SNF8: variants seen among roughly 807,000 people sequenced by gnomAD.
The protein encoded by SNF8 is SNF8 subunit of ESCRT-II, also known as vacuolar-sorting protein SNF8.
In SNF8, 19 loss-of-function variants were observed where a neutral mutation model predicts 36.8. The ratio of observed to expected loss-of-function variants is 0.52; its 90% CI spans 0.36 to 0.76. SNF8 has a LOEUF of 0.76. Ranked by LOEUF, SNF8 falls within the 30% of genes least tolerant of loss-of-function variation. SNF8 has a pLI of 0.00. For missense variants in SNF8, 268 were observed against 322.9 expected, an observed-to-expected ratio of 0.83 and a Z score of 1.30; for synonymous variants, 127 against 127.4, an observed-to-expected ratio of 1.00 and a Z score of 0.02.
intron 2 of SNF8, among the ~76,000 whole-genome samples, chr17:48,942,047 C>T (rs1020888820): frequency 2.6e-5 from 4 of 152,032 alleles, no homozygotes; most frequent in African/African-American, 4.8e-5. Flanking sequence ...AGTCATGAAC[C>T]TCCCTGGGGA....
At chr17:48,932,093 G>C in intron 6 of SNF8, 1 of 156,162 alleles carries the variant, frequency 6.4e-6, no homozygotes. Context: ...GGTGGCACAC[G>C]CCTGTAATCC....
chr17:48,931,710 C>T lies in SNF8; in HGVS notation c.572G>A (p.Gly191Asp), dbSNP rs2040862241. ...TTTGATCTCACTGACAGTCACGTAG[C>T]CATTCTTCTGAAGGAAGGAGGAATG... is the stretch of plus-strand genomic sequence containing the variant. ...TVVLQLAEKN[G>D]YVTVSEIKAS... is the part of the protein sequence containing the mutation. The change falls in exon 7 of 8, where the codon GGC becomes GAC. Residue 191 changes from glycine to aspartate, a missense_variant. Physicochemically the swap from Gly to Asp is moderately conservative, Grantham distance 94. Coordinates refer to ENST00000502492, the MANE Select transcript of SNF8 (RefSeq NM_007241.4). 5 of 1,612,630 alleles carry T rather than the reference C, an allele frequency of 3.1e-6. No individual in the cohort carries two copies. The highest frequency in any genetic ancestry group is 3.4e-6 in the Non-Finnish European group (4 of 1,179,258).
chr17:48,933,184 C>G, intron 6 of SNF8, 21 bp downstream of exon 6: 1 of 1,611,582 alleles, frequency 6.2e-7, no homozygotes, highest in Non-Finnish European at 8.5e-7. Context: ...CACACACACA[C>G]ACTCGAAGGT....
chr17:48,944,050 T>G, intron 1 of SNF8, 75 bp from the exon 2 acceptor site: 4 of 1,457,644 alleles, frequency 2.7e-6, no homozygotes, highest in Non-Finnish European at 3.8e-6. Context: ...ACGCCTGTAA[T>G]CCCAGAACTT....
chr17:48,933,169 C>T (rs2040884101), intron 6 of SNF8, 36 bp downstream of exon 6: 1 of 1,608,724 alleles, frequency 6.2e-7, no homozygotes, highest in African/African-American at 1.3e-5. Flanking sequence ...ACAGACTGTC[C>T]CTTGCACACA....
At position 48,940,957 on chromosome 17, in the gene SNF8, T is replaced by G. The variant is rs766989206; in HGVS notation, c.211A>C (p.Met71Leu). The G allele has an allele frequency of 6.2e-7, 1 of 1,612,638 alleles. No homozygotes were observed. Among genetic ancestry groups the G allele is most frequent in the African/African-American group, 1.3e-5 (1 of 74,866 alleles). Residue 71 changes from methionine (M) to leucine (L), a missense_variant, in exon 3 of 8, where the codon ATG becomes CTG. By Grantham distance (15) the Met-to-Leu change is conservative. Transcript: ENST00000502492. Reference protein sequence around the residue: ...NPEFRVQFQDMCATIGVDPLA... With the variant: ...NPEFRVQFQDLCATIGVDPLA... ...GGATCCACGCCAATGGTTGCACACATGTCCTGGAACTGCACACGGAACTCA... is the reference window on the plus strand; with the variant it reads ...GGATCCACGCCAATGGTTGCACACAGGTCCTGGAACTGCACACGGAACTCA...
intron 5 of SNF8, 187 bp from the exon 6 acceptor site, chr17:48,933,533 G>A (rs2040891324): frequency 3.2e-6 from 2 of 628,706 alleles, no homozygotes; most frequent in African/African-American, 1.8e-5. Context: ...CTTGAGCCCA[G>A]GGGTTAGAGA....
chr17:48,931,801 T>G (rs2040863844), intron 6 of SNF8, 84 bp from the exon 7 acceptor site: 2 of 1,008,510 alleles, frequency 2.0e-6, no homozygotes, highest in South Asian at 1.6e-5. Context: ...ACAAGAGACT[T>G]ACCCAGACAG....
At chr17:48,931,751 A>T (rs771892650) in intron 6 of SNF8, 34 bp from the exon 7 acceptor site, 10 of 1,553,916 alleles carry the variant, frequency 6.4e-6, no homozygotes, top group Non-Finnish European at 8.9e-6. Flanking sequence ...TGAATCAGTT[A>T]AGAGTGCACC....
rs377715104 is a variant in SNF8, at chr17:48,940,904, C to A, written c.244+20G>T. The A allele has an allele frequency of 1.2e-6, 2 of 1,610,022 alleles. No individual in the cohort carries two copies. The highest frequency in any genetic ancestry group is 1.7e-6 in the Non-Finnish European group (2 of 1,178,262). ...CAGGTACTCTATAAGAACGCTGGAC[C>A]CCTACAGACAACTTCTTACAGGCCA... On this transcript the variant is annotated intron_variant, in intron 3 of 7. Coordinates refer to ENST00000502492, the MANE Select transcript of SNF8 (RefSeq NM_007241.4).
At position 48,931,654 on chromosome 17, in the gene SNF8, GCGCT is replaced by G. The variant is rs1567783701; in HGVS notation, c.624_627del (p.Ala209GlyfsTer8). 6 of 1,613,006 alleles carry G rather than the reference GCGCT, an allele frequency of 3.7e-6. No individual in the cohort carries two copies. Among genetic ancestry groups the G allele is most frequent in the Non-Finnish European group, 5.1e-6 (6 of 1,179,480 alleles). On this transcript the variant is annotated frameshift_variant, in exon 7 of 8. Transcript: ENST00000502492. LOFTEE classifies it high-confidence loss of function. ...CCAAAGTTGCATACCAGCACTTGCC[GCGCT>G]CGCTCGGTCTCCCATTTAAGACTGG...
In SNF8 at chr17:48,930,568, G is replaced by A; in HGVS notation, c.684C>T (p.Ala228=). Residue 228 remains alanine, a synonymous_variant, in exon 8 of 8, where the codon GCC becomes GCT. Coordinates refer to ENST00000502492, the MANE Select transcript of SNF8 (RefSeq NM_007241.4). ...KEGLAWLDLQ[A]PGEAHYWLPA... ...GCAGCCAGTAGTGGGCCTCCCCTGG[G>A]GCCTGTAAGTCCAGCCACGCCAACC... The A allele has an allele frequency of 6.2e-7, 1 of 1,613,776 alleles. No individual in the cohort carries two copies. Among genetic ancestry groups the A allele is most frequent in the South Asian group, 1.1e-5 (1 of 91,062 alleles).
rs1235318016 is a variant in SNF8, at chr17:48,930,022, C to T, written c.*453G>A. The T allele has an allele frequency of 6.6e-6, 1 of 152,404 alleles. No homozygotes were observed. The highest frequency in any genetic ancestry group is 2.4e-5 in the African/African-American group (1 of 41,436). 9.4% of individuals were successfully genotyped at this position (152,404 alleles called of 1,614,324 possible). A position where few individuals can be genotyped will look rare whatever the true frequency, so the allele number is the denominator to read the frequency against. On this transcript the variant is annotated 3_prime_UTR_variant, in exon 8 of 8. Transcript: ENST00000502492. ...ATACTCACAGCTAACTCTGTCATAA[C>T]CTAGAGCCTCTACAGAGGAAGCCAG...
chr17:48,937,167 C>T, intron 3 of SNF8, 43 bp from the exon 4 acceptor site: 1 of 1,403,678 alleles, frequency 7.1e-7, no homozygotes, highest in African/African-American at 1.4e-5. Flanking sequence ...GATTAATTTA[C>T]ATCCCTTCTT....
chr17:48,938,861 G>A (rs1227341607), intron 3 of SNF8, among the ~76,000 whole-genome samples: 3 of 150,062 alleles, frequency 2.0e-5, no homozygotes, highest in South Asian at 4.2e-4. Context: ...CAACAAGAGC[G>A]AGACTCCGTC....
rs1343495346 is a variant in SNF8 at position 48,930,388 on chromosome 17, C to T, written c.*87G>A. The stretch of plus-strand genomic sequence containing the variant: ...GAAAGAAAAACTTGGAACTTTTTTT[C>T]TATTTTTTGTATAAACAAAATTGCC... On this transcript the variant is annotated 3_prime_UTR_variant, in exon 8 of 8. Transcript: ENST00000502492. 1 of 1,332,780 alleles carries T rather than the reference C, an allele frequency of 7.5e-7. No homozygotes were observed. Among genetic ancestry groups the T allele is most frequent in the South Asian group, 2.0e-5 (1 of 49,896 alleles). 82.6% of individuals were successfully genotyped at this position (1,332,780 alleles called of 1,614,324 possible). A position where few individuals can be genotyped will look rare whatever the true frequency, so the allele number is the denominator to read the frequency against.
At chr17:48,931,914 T>C in intron 6 of SNF8, 197 bp from the exon 7 acceptor site, 1 of 484,762 alleles carries the variant, frequency 2.1e-6, no homozygotes, top group Non-Finnish European at 3.7e-6. Flanking sequence ...GTTGGTGGGT[T>C]CAATCCTAAA....
At chr17:48,943,714 T>C (rs112685916) in intron 2 of SNF8, among the ~76,000 whole-genome samples, 7 of 152,284 alleles carry the variant, frequency 4.6e-5, no homozygotes, top group African/African-American at 1.7e-4. Context: ...AATAGACAAA[T>C]GCCTGGGACG....
intron 7 of SNF8, among the ~76,000 whole-genome samples, chr17:48,930,839 G>C (rs2040848083): frequency 6.6e-6 from 1 of 152,228 alleles, no homozygotes; most frequent in Admixed American, 6.5e-5. Context: ...CTGGGGAAGA[G>C]GGGTAAAGCC....
Sources: allele counts gnomAD v4.1 joint callset (sites outside exome capture counted in the v4.1 genomes callset), GRCh38; gene constraint gnomAD v4.1.1; transcripts MANE v1.5; gene names NCBI Gene and HGNC (gene_info 2026-07-23, HGNC 2026-07-21).